Variants in STK3 observed in about 807,000 individuals in gnomAD.
STK3 encodes the protein serine/threonine kinase 3.
In STK3, 41 loss-of-function variants were observed where a neutral mutation model predicts 58.0. The observed-to-expected ratio is 0.71, with a 90% confidence interval of 0.55 to 0.92. The LOEUF (loss-of-function observed/expected upper bound fraction) is 0.92. Ranked by LOEUF, STK3 falls within the 40% of genes least tolerant of loss-of-function variation. The pLI is 0.00. For missense variants in STK3, 479 were observed against 602.7 expected, an observed-to-expected ratio of 0.79 and a Z score of 2.15; for synonymous variants, 170 against 191.0, an observed-to-expected ratio of 0.89 and a Z score of 0.91.
chr8:98,590,010 G>A (rs993714400), intron 7 of STK3, among the ~76,000 whole-genome samples: 3 of 152,188 alleles, frequency 2.0e-5, no homozygotes, highest in African/African-American at 4.8e-5. Flanking sequence ...GCACTCCCTA[G>A]TGAGATGAAC....
intron 1 of STK3, among the ~76,000 whole-genome samples, chr8:98,801,442 C>T (rs1421177632): frequency 6.6e-6 from 1 of 152,178 alleles, no homozygotes; most frequent in African/African-American, 2.4e-5. Context: ...TTGCTGCTCA[C>T]TCTTTGGGTC....
At chr8:98,657,030 C>T (rs1204611123) in intron 6 of STK3, among the ~76,000 whole-genome samples, 1 of 151,960 alleles carries the variant, frequency 6.6e-6, no homozygotes, top group Non-Finnish European at 1.5e-5. Flanking sequence ...TTAAAGAATA[C>T]ATATATTCCA....
intron 1 of STK3, among the ~76,000 whole-genome samples, chr8:98,811,385 T>TAGCTA (rs1402002581): frequency 3.9e-5 from 6 of 152,264 alleles, no homozygotes; most frequent in African/African-American, 1.4e-4. Context: ...ACTTAATGAG[T>TAGCTA]CATAAGTGTT....
intron 10 of STK3, among the ~76,000 whole-genome samples, chr8:98,502,531 T>G (rs1056514692): frequency 2.0e-5 from 3 of 152,234 alleles, no homozygotes; most frequent in African/African-American, 7.2e-5. Context: ...AGTATGATAT[T>G]GGCTGTAGGT....
chr8:98,621,242 C>T (rs1351783748), intron 6 of STK3, among the ~76,000 whole-genome samples: 1 of 152,182 alleles, frequency 6.6e-6, no homozygotes, highest in Non-Finnish European at 1.5e-5. Flanking sequence ...GCCCGGCCAA[C>T]AACTGATTTT....
At chr8:98,767,078 G>T (rs997840894) in intron 3 of STK3, among the ~76,000 whole-genome samples, 165 bp downstream of exon 3, 1 of 152,036 alleles carries the variant, frequency 6.6e-6, no homozygotes, top group African/African-American at 2.4e-5. Flanking sequence ...CCGAGATGGC[G>T]CCATTGCACT....
At chr8:98,681,153 C>T (rs1022128927) in intron 6 of STK3, among the ~76,000 whole-genome samples, 6 of 152,104 alleles carry the variant, frequency 3.9e-5, no homozygotes, top group African/African-American at 1.4e-4. Context: ...CGCGTGCCAC[C>T]ACACACGGCT....
chr8:98,896,572 A>G (rs777717192), intron 1 of STK3, among the ~76,000 whole-genome samples: 3 of 152,190 alleles, frequency 2.0e-5, no homozygotes, highest in Non-Finnish European at 4.4e-5. Context: ...TCCACTTGTC[A>G]TTCTATTACC....
intron 1 of STK3, among the ~76,000 whole-genome samples, chr8:98,814,269 T>C (rs1024927534): frequency 6.6e-6 from 1 of 151,944 alleles, no homozygotes; most frequent in Non-Finnish European, 1.5e-5. Flanking sequence ...CAGGCTGGTC[T>C]CGAACTCCTG....
In STK3 at chr8:98,428,890, G is replaced by A. The variant is rs370705767; in HGVS notation, n.483+5237C>T. 3.7e-6 allele frequency: 6 copies of A among 1,614,006 alleles called. No individual in the cohort carries two copies. Among genetic ancestry groups the A allele is most frequent in the South Asian group, 1.1e-5 (1 of 91,088 alleles). On this transcript the variant is annotated intron_variant and non_coding_transcript_variant, in intron 3 of 3. Transcript: ENST00000517832. This position sits in a 1 kb window ranked among gnomAD's most constrained non-coding sequence, Gnocchi z 6.7. ...GTCCTGAGGCTGATGCGGATCTTCC[G>A]CATCTTAAAGCTGGCCAGGCACTCC...
chr8:98,824,552 T>C (rs546827146), intron 1 of STK3, among the ~76,000 whole-genome samples: 4 of 152,330 alleles, frequency 2.6e-5, no homozygotes, highest in African/African-American at 7.2e-5. Context: ...AATCTATCAA[T>C]TGACTTGCTC....
intron 1 of STK3, chr8:98,905,047 C>A: frequency 1.0e-6 from 1 of 967,334 alleles, no homozygotes; most frequent in East Asian, 2.5e-5. Flanking sequence ...CTGGATTCCC[C>A]ATAGCCCATG....
At chr8:98,489,835 T>C (rs1048909626) in intron 10 of STK3, among the ~76,000 whole-genome samples, 4 of 152,236 alleles carry the variant, frequency 2.6e-5, no homozygotes, top group African/African-American at 7.2e-5. Context: ...ATTATTTCTT[T>C]TTTTTACAAA....
At chr8:98,668,725 T>C (rs1417684083) in intron 6 of STK3, among the ~76,000 whole-genome samples, 1 of 152,148 alleles carries the variant, frequency 6.6e-6, no homozygotes, top group Non-Finnish European at 1.5e-5. Flanking sequence ...CACTTGCATA[T>C]AATTATAAAA....
At chr8:98,748,789 C>A (rs1829791718) in intron 4 of STK3, among the ~76,000 whole-genome samples, 1 of 151,646 alleles carries the variant, frequency 6.6e-6, no homozygotes. Flanking sequence ...ATATATATTT[C>A]TATCACTTTC....
chr8:98,748,840 T>G (rs1016482882), intron 4 of STK3, among the ~76,000 whole-genome samples: 1 of 150,168 alleles, frequency 6.7e-6, no homozygotes, highest in African/African-American at 2.5e-5. Flanking sequence ...TACAAAAATG[T>G]TTTTTTTTAA....
At chr8:98,394,294 T>C (rs954788617) in intron 3 of STK3, among the ~76,000 whole-genome samples, 1 of 152,228 alleles carries the variant, frequency 6.6e-6, no homozygotes, top group Admixed American at 6.5e-5. Context: ...AGAAAGACTA[T>C]GTAATTTTAA....
intron 10 of STK3, among the ~76,000 whole-genome samples, chr8:98,458,771 C>G (rs1007618399): frequency 6.6e-6 from 1 of 152,184 alleles, no homozygotes; most frequent in African/African-American, 2.4e-5. Flanking sequence ...ACTCTGCTCT[C>G]CCCTCTCACC....
chr8:98,897,101 T>G (rs1249600209), intron 1 of STK3, among the ~76,000 whole-genome samples: 2 of 152,170 alleles, frequency 1.3e-5, no homozygotes, highest in Non-Finnish European at 2.9e-5. Context: ...ACTAGAAACC[T>G]GAAAACAACA....
Sources: allele counts gnomAD v4.1 joint callset (sites outside exome capture counted in the v4.1 genomes callset), GRCh38; gene constraint gnomAD v4.1.1; non-coding constraint Gnocchi (gnomAD v3.1); transcripts MANE v1.5; gene names NCBI Gene and HGNC (gene_info 2026-07-23, HGNC 2026-07-21).